Variants in NEDD4 observed in about 807,000 individuals in gnomAD.
NEDD4 encodes E3 ubiquitin-protein ligase NEDD4.
A neutral mutation model predicts 144.9 loss-of-function variants in NEDD4; 99 were observed. That is an observed-to-expected ratio of 0.68 (90% CI 0.58 to 0.81). The LOEUF is 0.81. NEDD4 is among the 30% of genes least tolerant of loss of function. NEDD4 has a pLI of 0.00. For missense variants in NEDD4, 985 were observed against 1,065.9 expected (o/e 0.92, Z 1.06); for synonymous variants, 318 against 350.6 (o/e 0.91, Z 1.04).
intron 4 of NEDD4, among the ~76,000 whole-genome samples, chr15:55,929,500 A>G (rs1237330014): frequency 2.0e-5 from 3 of 151,950 alleles, no homozygotes; most frequent in African/African-American, 4.8e-5. Flanking sequence ...CTCTACCCTC[A>G]AGCAGGCCGC....
At position 55,829,359 on chromosome 15, in the gene NEDD4, C is replaced by T. The variant is rs919299721; in HGVS notation, c.*538G>A. ...TCCCAAAAATCTAGGCAGTAAGGTG[C>T]ATAAGGCAGGTCTACAAAATAATAA... On this transcript the variant is annotated 3_prime_UTR_variant, in exon 29 of 29. Coordinates refer to ENST00000435532, the MANE Select transcript of NEDD4 (RefSeq NM_006154.4). 7.2e-5 allele frequency: 11 copies of T among 152,504 alleles called. No individual in the cohort carries two copies. The highest frequency in any genetic ancestry group is 2.7e-4 in the African/African-American group (11 of 41,446). 9.4% of individuals were successfully genotyped at this position (152,504 alleles called of 1,614,324 possible). A position where few individuals can be genotyped will look rare whatever the true frequency, so the allele number is the denominator to read the frequency against.
chr15:55,855,194 T>C (rs529904268), intron 12 of NEDD4, among the ~76,000 whole-genome samples: 2 of 152,218 alleles, frequency 1.3e-5, no homozygotes, highest in African/African-American at 4.8e-5. Flanking sequence ...TTTAGACAGA[T>C]AACCCACTCA....
intron 27 of NEDD4, among the ~76,000 whole-genome samples, chr15:55,832,799 T>C (rs2033017491): frequency 6.6e-6 from 1 of 152,152 alleles, no homozygotes; most frequent in Non-Finnish European, 1.5e-5. Context: ...TCATTTGATG[T>C]TTCCAGTTTT....
chr15:55,986,099 C>T (rs61188362), intron 1 of NEDD4, among the ~76,000 whole-genome samples: 18,297 of 152,050 alleles, frequency 0.12, 1,194 homozygotes, highest in East Asian at 0.26. Flanking sequence ...TTACAACCTG[C>T]TGAATAAAGT....
At chr15:55,899,698 T>C (rs1234430573) in intron 5 of NEDD4, among the ~76,000 whole-genome samples, 5 of 152,166 alleles carry the variant, frequency 3.3e-5, no homozygotes, top group African/African-American at 1.2e-4. Context: ...GTCTTGCAGC[T>C]TGAGACCTAA....
chr15:55,940,541 TCTCTGC>T (rs1258123602), intron 4 of NEDD4, among the ~76,000 whole-genome samples: 25 of 125,612 alleles, frequency 2.0e-4, no homozygotes, highest in East Asian at 7.5e-4. Context: ...TCTCTCTCTC[TCTCTGC>T]CTCTCTGCCT....
At chr15:55,993,488 C>T in intron 1 of NEDD4, 23 bp downstream of exon 1, 1 of 1,594,492 alleles carries the variant, frequency 6.3e-7, no homozygotes, top group Non-Finnish European at 8.5e-7. Flanking sequence ...GAAGCCCGCC[C>T]CGCAGCCCCG....
chr15:55,831,729 G>C (rs2032959445), intron 27 of NEDD4, among the ~76,000 whole-genome samples: 1 of 152,142 alleles, frequency 6.6e-6, no homozygotes, highest in South Asian at 2.1e-4. Flanking sequence ...GAAAGGTTTA[G>C]CTATCCCATC....
Position 55,993,549 on chromosome 15 carries a change from T to C in NEDD4, c.7A>G (p.Thr3Ala), listed in dbSNP as rs769999889. Residue 3 changes from threonine (T) to alanine (A), a missense_variant, in exon 1 of 29, where the codon ACT becomes GCT. Coordinates refer to ENST00000435532, the MANE Select transcript of NEDD4 (RefSeq NM_006154.4). MA[T>A]CAVEVFGLLE... Reference sequence around the variant, plus strand: ...AGCCCGAACACCTCCACCGCGCAAGTTGCCATTTCCGAACGCTTCCAGCAA... The same window carrying C: ...AGCCCGAACACCTCCACCGCGCAAGCTGCCATTTCCGAACGCTTCCAGCAA... 10 of 1,595,656 alleles carry C rather than the reference T, an allele frequency of 6.3e-6. No individual in the cohort carries two copies. The highest frequency in any genetic ancestry group is 4.5e-4 in the Middle Eastern group (2 of 4,420).
intron 4 of NEDD4, among the ~76,000 whole-genome samples, chr15:55,940,850 T>C (rs1286832038): frequency 6.6e-6 from 1 of 152,018 alleles, no homozygotes; most frequent in African/African-American, 2.4e-5. Context: ...AAGAATAAGA[T>C]CATCAAAAAG....
chr15:55,907,391 C>T (rs2036136131), intron 5 of NEDD4, among the ~76,000 whole-genome samples: 1 of 152,148 alleles, frequency 6.6e-6, no homozygotes, highest in African/African-American at 2.4e-5. Flanking sequence ...TCACATATCT[C>T]AATGTTTAGG....
At chr15:55,833,148 G>C (rs189952374) in intron 26 of NEDD4, 44 bp from the exon 27 acceptor site, 1 of 1,228,620 alleles carries the variant, frequency 8.1e-7, no homozygotes, top group Non-Finnish European at 1.2e-6. Context: ...CACTGGGAAA[G>C]AGGTAAACAA....
At chr15:55,915,146 A>C in intron 5 of NEDD4, 1 of 660,998 alleles carries the variant, frequency 1.5e-6, no homozygotes, top group South Asian at 3.1e-5. Flanking sequence ...ACAAATATAA[A>C]ATTTATGACT....
intron 21 of NEDD4, 101 bp downstream of exon 21, chr15:55,840,346 A>G (rs1382165171): frequency 5.0e-5 from 49 of 988,542 alleles, no homozygotes; most frequent in Non-Finnish European, 6.8e-5. Flanking sequence ...TTGAAACATG[A>G]TAATATATTA....
intron 4 of NEDD4, among the ~76,000 whole-genome samples, chr15:55,949,946 A>G (rs1328147452): frequency 2.6e-5 from 4 of 152,104 alleles, no homozygotes; most frequent in Non-Finnish European, 5.9e-5. Context: ...AACTTAAAGT[A>G]TAATTAAAAA....
chr15:55,891,058 C>G (rs761032036), intron 5 of NEDD4, among the ~76,000 whole-genome samples: 7 of 152,158 alleles, frequency 4.6e-5, no homozygotes, highest in Non-Finnish European at 8.8e-5. Context: ...TTTTATTGCT[C>G]TATATTTGTT....
chr15:55,888,439 A>G (rs758831835), intron 5 of NEDD4, among the ~76,000 whole-genome samples: 10 of 152,314 alleles, frequency 6.6e-5, no homozygotes, highest in East Asian at 1.9e-4. Flanking sequence ...TCTATCAAAC[A>G]CTGATGAAAG....
At chr15:55,904,134 G>A (rs1254631933) in intron 5 of NEDD4, among the ~76,000 whole-genome samples, 1 of 151,848 alleles carries the variant, frequency 6.6e-6, no homozygotes, top group Non-Finnish European at 1.5e-5. Context: ...TGCACTCCAG[G>A]GACAAGAGCA....
intron 5 of NEDD4, chr15:55,917,104 C>T (rs1307114238): frequency 1.0e-5 from 12 of 1,176,080 alleles, no homozygotes; most frequent in Non-Finnish European, 9.5e-6. Flanking sequence ...TGATTTCCAG[C>T]GACCTTTAAG....
Sources: allele counts gnomAD v4.1 joint callset (sites outside exome capture counted in the v4.1 genomes callset), GRCh38; gene constraint gnomAD v4.1.1; transcripts MANE v1.5; gene names NCBI Gene and HGNC (gene_info 2026-07-23, HGNC 2026-07-21).